The following ZNF618 variants were observed in gnomAD, a reference collection of about 807,000 sequenced individuals.
The protein encoded by ZNF618 is neural precursor cell expressed, developmentally down-regulated 10.
Under a neutral mutation model 103.0 loss-of-function variants are expected in ZNF618, and 34 were observed. The observed-to-expected ratio is 0.33, with a 90% CI of 0.25 to 0.44. The LOEUF is 0.44. Ranked by LOEUF, ZNF618 falls within the 20% of genes least tolerant of loss-of-function variation. The pLI, the probability that ZNF618 is intolerant of heterozygous loss-of-function variation, is 1.00. For missense variants in ZNF618, 1,059 were observed against 1,295.4 expected (o/e 0.82, Z 2.80); for synonymous variants, 551 against 542.2 (o/e 1.02, Z -0.23).
chr9:114,042,607 T>C (rs1410831061), intron 13 of ZNF618, among the ~76,000 whole-genome samples: 1 of 152,148 alleles, frequency 6.6e-6, no homozygotes, highest in East Asian at 1.9e-4. Flanking sequence ...GGCAGGAGGA[T>C]TGTTTGAGGC....
intron 1 of ZNF618, among the ~76,000 whole-genome samples, chr9:113,945,062 A>G (rs746575166): frequency 3.9e-5 from 6 of 152,236 alleles, no homozygotes; most frequent in Non-Finnish European, 8.8e-5. Context: ...GGGTGAATCT[A>G]CCAGCCCAGT....
chr9:113,934,656 G>A (rs1833883575), intron 1 of ZNF618, among the ~76,000 whole-genome samples: 1 of 152,194 alleles, frequency 6.6e-6, no homozygotes, highest in Non-Finnish European at 1.5e-5. Context: ...CACTTTGAGA[G>A]AAATGTACCC....
intron 1 of ZNF618, among the ~76,000 whole-genome samples, chr9:113,942,335 C>T (rs1321852054): frequency 6.6e-6 from 1 of 151,962 alleles, no homozygotes; most frequent in African/African-American, 2.4e-5. Context: ...CTTCCTCTTC[C>T]CTCTCTTCTT....
Position 114,025,563 on chromosome 9 carries a change from A to G in ZNF618, c.845-3170A>G, listed in dbSNP as rs73658316. Reference sequence around the variant, plus strand: ...ATGCTTTCTCAGGAAGAGCTCAGGTAGGAATTCCAGCATGACAGTGTTCCC... The same window carrying G: ...ATGCTTTCTCAGGAAGAGCTCAGGTGGGAATTCCAGCATGACAGTGTTCCC... On this transcript the variant is annotated intron_variant, in intron 10 of 14. Coordinates refer to ENST00000374126, the MANE Select transcript of ZNF618 (RefSeq NM_001318042.2). 6.0e-3 allele frequency among the ~76,000 whole-genome samples: 913 copies of G among 152,286 alleles called. 6 individuals carry two copies. Among genetic ancestry groups the G allele is most frequent in the Middle Eastern group, 0.02 (6 of 294 alleles).
At position 114,049,946 on chromosome 9, in the gene ZNF618, C is replaced by G. The variant is rs1846000401; in HGVS notation, c.2644C>G (p.Leu882Val). Residue 882 changes from leucine to valine, a missense_variant, in exon 15 of 15, where the codon CTC (leucine) becomes GTC (valine). By Grantham distance (32) the Leu-to-Val change is conservative. Around this residue, in one of 6 missense-constraint regions of ZNF618, gnomAD observed 156 missense variants for 197.1 expected, o/e 0.79. Coordinates refer to ENST00000374126, the MANE Select transcript of ZNF618 (RefSeq NM_001318042.2). ...NEVYDYLQEP[L>V]FQATPDLFQY... ...AGTGTACGATTACCTGCAGGAGCCC[C>G]TCTTCCAGGCTACCCCTGATCTCTT... 1 of 1,613,886 alleles carries G rather than the reference C, an allele frequency of 6.2e-7. No homozygotes were observed. The highest frequency in any genetic ancestry group is 1.1e-5 in the South Asian group (1 of 91,088).
intron 2 of ZNF618, among the ~76,000 whole-genome samples, chr9:113,970,029 AT>A (rs368345776): frequency 1.3e-5 from 2 of 151,984 alleles, no homozygotes; most frequent in African/African-American, 4.8e-5. Context: ...ATGTTAATGG[AT>A]TTTTTTTGTG....
intron 1 of ZNF618, among the ~76,000 whole-genome samples, chr9:113,897,645 T>C (rs1424147084): frequency 6.6e-6 from 1 of 152,238 alleles, no homozygotes; most frequent in East Asian, 1.9e-4. Context: ...TCCGTAATTA[T>C]CTTTACTTTT....
intron 1 of ZNF618, among the ~76,000 whole-genome samples, chr9:113,926,149 G>GTTTTTTTTTTTTTTTTTTTT (rs202041982): frequency 7.5e-6 from 1 of 132,560 alleles, no homozygotes; most frequent in Non-Finnish European, 1.7e-5. Flanking sequence ...CTAGGTTGGT[G>GTTTTTTTTTTTTTTTTTTTT]TTGTTTTTTT....
chr9:113,987,688 T>C (rs1402556259), intron 2 of ZNF618, among the ~76,000 whole-genome samples: 3 of 152,142 alleles, frequency 2.0e-5, no homozygotes, highest in Admixed American at 6.5e-5. Flanking sequence ...CTGAGAGAGC[T>C]TGTTAGAAAT....
At chr9:114,029,243 T>G (rs766133006) in intron 11 of ZNF618, among the ~76,000 whole-genome samples, 8 of 152,208 alleles carry the variant, frequency 5.3e-5, no homozygotes, top group Non-Finnish European at 8.8e-5. Context: ...TAGAATATTT[T>G]TTCCCAAATC....
chr9:114,013,333 A>G (rs1221818614), intron 9 of ZNF618, among the ~76,000 whole-genome samples: 2 of 152,278 alleles, frequency 1.3e-5, no homozygotes, highest in Non-Finnish European at 2.9e-5. Flanking sequence ...TAGTAAAACA[A>G]GATAAACTAG....
chr9:113,948,647 C>T (rs568247681), intron 1 of ZNF618, among the ~76,000 whole-genome samples: 12 of 152,320 alleles, frequency 7.9e-5, no homozygotes, highest in African/African-American at 2.4e-4. Flanking sequence ...CTGTTTTGTG[C>T]CACTCGTCCA....
At chr9:114,004,225 C>A (rs556672391) in intron 6 of ZNF618, among the ~76,000 whole-genome samples, 4 of 152,176 alleles carry the variant, frequency 2.6e-5, no homozygotes, top group Admixed American at 6.5e-5. Flanking sequence ...AAGGAGAGGC[C>A]GGCATGTTCC....
chr9:113,890,300 A>G (rs1829500066), intron 1 of ZNF618, among the ~76,000 whole-genome samples: 1 of 152,214 alleles, frequency 6.6e-6, no homozygotes, highest in Admixed American at 6.5e-5. Flanking sequence ...CGCCCTTCAC[A>G]TTTTGATGAG....
At chr9:114,024,959 C>T (rs1252780747) in intron 10 of ZNF618, among the ~76,000 whole-genome samples, 1 of 152,162 alleles carries the variant, frequency 6.6e-6, no homozygotes, top group African/African-American at 2.4e-5. Context: ...GATGTTTGGG[C>T]TCCACCTCTC....
chr9:114,050,235 T>C lies in ZNF618; in HGVS notation c.*68T>C, dbSNP rs1846033280. 6.8e-7 allele frequency: 1 copy of C among 1,480,736 alleles called. No individual in the cohort carries two copies. Among genetic ancestry groups the C allele is most frequent in the Admixed American group, 2.3e-5 (1 of 43,858 alleles). 91.7% of individuals were successfully genotyped at this position (1,480,736 alleles called of 1,614,324 possible). A position where few individuals can be genotyped will look rare whatever the true frequency, so the allele number is the denominator to read the frequency against. ...ATTAGAAAAAAACCACACAACACTGTCACAAAGAAAAGGAATTTAAGTTCT... is the reference window on the plus strand; with the variant it reads ...ATTAGAAAAAAACCACACAACACTGCCACAAAGAAAAGGAATTTAAGTTCT... On this transcript the variant is annotated 3_prime_UTR_variant, in exon 15 of 15. Transcript: ENST00000374126.
chr9:114,038,179 CA>C (rs1844796751), intron 13 of ZNF618, among the ~76,000 whole-genome samples: 1 of 152,226 alleles, frequency 6.6e-6, no homozygotes, highest in African/African-American at 2.4e-5. Context: ...ACTCCCACAG[CA>C]CAGCCTTCTG....
intron 1 of ZNF618, among the ~76,000 whole-genome samples, chr9:113,961,210 G>A (rs1230019191): frequency 6.6e-6 from 1 of 152,108 alleles, no homozygotes; most frequent in Non-Finnish European, 1.5e-5. Context: ...GATGCTGACG[G>A]AACCCAGACT....
chr9:113,934,603 C>T (rs567793124), intron 1 of ZNF618, among the ~76,000 whole-genome samples: 1 of 152,276 alleles, frequency 6.6e-6, no homozygotes, highest in African/African-American at 2.4e-5. Context: ...AAATGTGTTC[C>T]CCAAAATGGG....
Sources: gnomAD v4.1 joint callset for allele counts (sites outside exome capture counted in the v4.1 genomes callset) on GRCh38, gnomAD v4.1.1 for gene constraint, gnomAD v4.1.1 regional missense constraint, MANE v1.5 for transcripts, NCBI Gene and HGNC (gene_info 2026-07-23, HGNC 2026-07-21) for gene names.